Variants in SEC31A observed in about 807,000 individuals in gnomAD.
SEC31A encodes the protein protein transport protein Sec31A.
SEC31A carries 70 observed loss-of-function variants against 151.0 expected under a neutral mutation model. The ratio of observed to expected loss-of-function variants is 0.46; its 90% CI spans 0.38 to 0.57. SEC31A has a LOEUF of 0.57. SEC31A is among the 20% of genes least tolerant of loss of function. The pLI, the probability that SEC31A is intolerant of heterozygous loss-of-function variation, is 0.00. For synonymous variants in SEC31A, 475 were observed against 505.9 expected (o/e 0.94, Z 0.82); for missense variants, 1,330 against 1,471.2 (o/e 0.90, Z 1.57).
At chr4:82,896,073 A>G (rs1402094893), upstream of SEC31A, among the ~76,000 whole-genome samples, 1 of 152,256 alleles carries the variant, frequency 6.6e-6, no homozygotes, top group African/African-American at 2.4e-5. Flanking sequence ...GATTATGTCA[A>G]GTGTATCACT....
chr4:82,849,300 A>G (rs529409150), intron 19 of SEC31A, among the ~76,000 whole-genome samples: 1 of 152,240 alleles, frequency 6.6e-6, no homozygotes, highest in East Asian at 1.9e-4. Flanking sequence ...TAATGCTCAT[A>G]AATTACAAAA....
At position 82,824,452 on chromosome 4, in the gene SEC31A, A is replaced by C; in HGVS notation, c.3411+103T>G. On this transcript the variant is annotated intron_variant, in intron 25 of 26. Transcript: ENST00000395310. ...ACTCCTGGCTTCAAATGATCCACCT[A>C]CCTCGGCCTCCCAAAGTGCTGGGAT... 2.4e-6 allele frequency: 3 copies of C among 1,230,722 alleles called. No homozygotes were observed. In the South Asian group the frequency reaches 4.6e-5, roughly 19 times the overall value. 76.2% of individuals were successfully genotyped at this position (1,230,722 alleles called of 1,614,324 possible). A position where few individuals can be genotyped will look rare whatever the true frequency, so the allele number is the denominator to read the frequency against.
intron 17 of SEC31A, 107 bp from the exon 18 acceptor site, chr4:82,853,822 C>T: frequency 1.3e-6 from 1 of 797,656 alleles, no homozygotes; most frequent in Non-Finnish European, 1.9e-6. Context: ...GCTTCATAAC[C>T]AATGAATAGC....
chr4:82,891,071 G>C lies in SEC31A; in HGVS notation c.-5+17C>G. ...TAAGGACCGGCGAAGAGGACAAAAAGCAACGGGCGGACGCACCTGGCGAGG... is the reference window on the plus strand; with the variant it reads ...TAAGGACCGGCGAAGAGGACAAAAACCAACGGGCGGACGCACCTGGCGAGG... On this transcript the variant is annotated intron_variant, in intron 1 of 26. Coordinates refer to ENST00000395310, the MANE Select transcript of SEC31A (RefSeq NM_001077207.4). The C allele has an allele frequency of 1.4e-5, 22 of 1,535,890 alleles. No individual in the cohort carries two copies. The highest frequency in any genetic ancestry group is 1.8e-5 in the Non-Finnish European group (21 of 1,146,752).
At chr4:82,869,135 T>A (rs947416279) in intron 8 of SEC31A, among the ~76,000 whole-genome samples, 4 of 151,976 alleles carry the variant, frequency 2.6e-5, no homozygotes, top group African/African-American at 9.7e-5. Flanking sequence ...TTATTTATTT[T>A]TTGAGATGGA....
intron 10 of SEC31A, among the ~76,000 whole-genome samples, chr4:82,866,400 G>A (rs1735405145): frequency 6.6e-6 from 1 of 152,048 alleles, no homozygotes; most frequent in African/African-American, 2.4e-5. Flanking sequence ...GAACCAAGGA[G>A]GCGGAGGTTG....
rs1427251072 is a variant in SEC31A, at chr4:82,866,842, T to C, written c.1163A>G (p.Lys388Arg). 5 of 1,609,406 alleles carry C rather than the reference T, an allele frequency of 3.1e-6. No homozygotes were observed. The highest frequency in any genetic ancestry group is 3.4e-5 in the Admixed American group (2 of 58,488). Residue 388 changes from lysine to arginine, a missense_variant, in exon 10 of 27, where the codon AAG (lysine) becomes AGG (arginine). Lys to Arg is a conservative substitution (Grantham distance 26). Transcript: ENST00000395310. ...SIVLPLKKPP[K>R]WIRRPVGASF... is the part of the protein sequence containing the mutation. ...AGCACCAACAGGCCTTCGAATCCAC[T>C]TGGGCGGCTTCTTCAGAGGCAGCAC...
chr4:82,824,768 C>A, intron 24 of SEC31A, 94 bp from the exon 25 acceptor site: 1 of 1,379,642 alleles, frequency 7.2e-7, no homozygotes, highest in Non-Finnish European at 9.8e-7. Context: ...AACCGACAAC[C>A]TTGTACATAG....
chr4:82,827,857 CTTCT>C (rs1333496474), intron 23 of SEC31A, among the ~76,000 whole-genome samples: 2 of 151,172 alleles, frequency 1.3e-5, no homozygotes, highest in South Asian at 2.1e-4. Context: ...CAAACCTGGA[CTTCT>C]TTGTCTCCCT....
In SEC31A at chr4:82,857,758, T is replaced by C. The variant is rs1001186727; in HGVS notation, c.1633A>G (p.Lys545Glu). 1 of 1,593,518 alleles carries C rather than the reference T, an allele frequency of 6.3e-7. No individual in the cohort carries two copies. ...AEEQLLGEHI[K>E]EEKEESEFLP... is the part of the protein sequence containing the mutation. ...AATTCAGATTCTTCTTTTTCCTCTTTAATGTGCTAAAGAGATGAAAAAAGC... is the reference window on the plus strand; with the variant it reads ...AATTCAGATTCTTCTTTTTCCTCTTCAATGTGCTAAAGAGATGAAAAAAGC... Residue 545 changes from lysine (K) to glutamate (E), a missense_variant, in exon 15 of 27, where the codon AAA becomes GAA. By Grantham distance (56) the Lys-to-Glu change is moderately conservative. Coordinates refer to ENST00000395310, the MANE Select transcript of SEC31A (RefSeq NM_001077207.4).
intron 23 of SEC31A, 109 bp downstream of exon 23, chr4:82,828,891 C>A: frequency 2.6e-6 from 2 of 781,726 alleles, no homozygotes; most frequent in Admixed American, 2.1e-5. Context: ...AAATACATCA[C>A]TCAGTAAGCT....
At chr4:82,824,795 A>G in intron 24 of SEC31A, 121 bp from the exon 25 acceptor site, 1 of 1,092,798 alleles carries the variant, frequency 9.2e-7, no homozygotes, top group Non-Finnish European at 1.3e-6. Flanking sequence ...TCAAAATCAA[A>G]TTAAAATTTA....
intron 6 of SEC31A, among the ~76,000 whole-genome samples, chr4:82,872,997 A>G (rs930185063): frequency 1.3e-5 from 2 of 152,302 alleles, no homozygotes; most frequent in East Asian, 3.9e-4. Context: ...GCGCCCGGCC[A>G]GTAGAGAAAA....
chr4:82,900,411 T>G lies in SEC31A; in HGVS notation c.-251A>C. On this transcript the variant is annotated 5_prime_UTR_variant, in exon 1 of 29. Transcript: ENST00000355196. Reference sequence around the variant, plus strand: ...GCAGGTTCCTGGATTCGCCTCAATTTTGGTCCTGCCTCTCTGCTTCGCATT... The same window carrying G: ...GCAGGTTCCTGGATTCGCCTCAATTGTGGTCCTGCCTCTCTGCTTCGCATT... The G allele has an allele frequency of 1.3e-5, 3 of 229,580 alleles. 1 individual carries two copies. The South Asian group carries it at 1.8e-4, about 14-fold the overall frequency. 14.2% of individuals were successfully genotyped at this position (229,580 alleles called of 1,614,324 possible).
intron 22 of SEC31A, among the ~76,000 whole-genome samples, chr4:82,832,726 C>A (rs1324658738): frequency 6.6e-6 from 1 of 152,124 alleles, no homozygotes; most frequent in Non-Finnish European, 1.5e-5. Context: ...CAAACAACCC[C>A]ATCAAAAAAT....
intron 26 of SEC31A, among the ~76,000 whole-genome samples, chr4:82,819,575 T>TA (rs1425339735): frequency 2.0e-5 from 3 of 152,144 alleles, no homozygotes; most frequent in Non-Finnish European, 4.4e-5. Flanking sequence ...TTCAGACCTT[T>TA]AAAAAATTCT....
At position 82,870,312 on chromosome 4, in the gene SEC31A, T is replaced by G; in HGVS notation, c.882+13A>C. ...TAAGGGCTACAAGGTTGAGACACATTTCCTGCCCATACCTCTCCTGTGTTT... is the reference window on the plus strand; with the variant it reads ...TAAGGGCTACAAGGTTGAGACACATGTCCTGCCCATACCTCTCCTGTGTTT... On this transcript the variant is annotated intron_variant, in intron 8 of 26. Coordinates refer to ENST00000395310, the MANE Select transcript of SEC31A (RefSeq NM_001077207.4). 6.2e-7 allele frequency: 1 copy of G among 1,600,946 alleles called. No individual in the cohort carries two copies. Among genetic ancestry groups the G allele is most frequent in the Middle Eastern group, 1.7e-4 (1 of 6,038 alleles).
chr4:82,827,734 C>T, intron 23 of SEC31A, 102 bp from the exon 24 acceptor site: 1 of 1,174,310 alleles, frequency 8.5e-7, no homozygotes, highest in Non-Finnish European at 1.2e-6. Context: ...CACGGCTAAA[C>T]AAATTTTTTA....
intron 6 of SEC31A, 142 bp downstream of exon 6, chr4:82,874,469 C>T (rs1038344452): frequency 4.1e-6 from 3 of 737,850 alleles, no homozygotes; most frequent in Non-Finnish European, 6.2e-6. Flanking sequence ...AAAAACAAAA[C>T]ATTCCTTCTA....
Sources: gnomAD v4.1 joint callset for allele counts (sites outside exome capture counted in the v4.1 genomes callset) on GRCh38, gnomAD v4.1.1 for gene constraint, MANE v1.5 for transcripts, NCBI Gene and HGNC (gene_info 2026-07-23, HGNC 2026-07-21) for gene names.